The following PRKCB variants were observed in gnomAD, a reference collection of about 807,000 sequenced individuals.
PRKCB encodes the protein protein kinase C beta type.
PRKCB carries 13 observed loss-of-function variants against 81.5 expected under a neutral mutation model. That is an observed-to-expected ratio of 0.16 (90% CI 0.10 to 0.25). PRKCB has a LOEUF of 0.25. PRKCB is among the 10% of genes least tolerant of loss of function. The pLI, the probability that PRKCB is intolerant of heterozygous loss-of-function variation, is 1.00. For synonymous variants in PRKCB, 335 were observed against 321.4 expected (o/e 1.04, Z -0.45); for missense variants, 509 against 875.7 (o/e 0.58, Z 5.29).
chr16:24,053,171 T>A (rs1965862881), intron 5 of PRKCB, among the ~76,000 whole-genome samples: 1 of 152,192 alleles, frequency 6.6e-6, no homozygotes, highest in African/African-American at 2.4e-5. Context: ...CCATTTGTAG[T>A]TCACTCACTC....
At chr16:23,973,362 A>T (rs1326553891) in intron 2 of PRKCB, among the ~76,000 whole-genome samples, 1 of 152,074 alleles carries the variant, frequency 6.6e-6, no homozygotes, top group Non-Finnish European at 1.5e-5. Flanking sequence ...TTGTATTTTT[A>T]GTAGAGATGG....
intron 2 of PRKCB, among the ~76,000 whole-genome samples, chr16:23,960,248 T>A (rs1001325105): frequency 1.3e-4 from 20 of 152,146 alleles, no homozygotes; most frequent in Non-Finnish European, 2.4e-4. Context: ...CAAAAATACT[T>A]TATTATACCC....
chr16:24,048,864 C>A (rs545232608), intron 5 of PRKCB, among the ~76,000 whole-genome samples: 14 of 152,170 alleles, frequency 9.2e-5, no homozygotes, highest in African/African-American at 3.4e-4. Flanking sequence ...ATCCTCCTAA[C>A]AACTTTTGCT....
At chr16:23,904,483 C>T (rs895619546) in intron 2 of PRKCB, among the ~76,000 whole-genome samples, 13 of 151,952 alleles carry the variant, frequency 8.6e-5, no homozygotes, top group Non-Finnish European at 4.4e-5. Context: ...GCCAACATGG[C>T]GAAACCCCAT....
chr16:24,113,053 T>G lies in PRKCB; in HGVS notation c.902T>G (p.Leu301Arg). The change falls in exon 8 of 17, where the codon CTG (leucine) becomes CGG (arginine). Residue 301 changes from leucine (L) to arginine (R), a missense_variant. Leu to Arg is a moderately radical substitution (Grantham distance 102, BLOSUM62 -2). This residue lies in a region of PRKCB where 80 missense variants were observed against 89.4 expected (regional missense o/e 0.90). Coordinates refer to ENST00000643927, the MANE Select transcript of PRKCB (RefSeq NM_002738.7). ...GAAGGAAGTGAGGCCAATGAAGAAC[T>G]GCGGCAGAAATTTGAGGTGAGGTTT... Reference protein sequence around the residue: ...PPEGSEANEELRQKFERAKIS... With the variant: ...PPEGSEANEERRQKFERAKIS... The G allele has an allele frequency of 6.2e-7, 1 of 1,611,584 alleles. No individual in the cohort carries two copies. The highest frequency in any genetic ancestry group is 8.5e-7 in the Non-Finnish European group (1 of 1,178,904).
At chr16:24,091,608 C>T (rs1966378204) in intron 5 of PRKCB, among the ~76,000 whole-genome samples, 1 of 151,106 alleles carries the variant, frequency 6.6e-6, no homozygotes. Flanking sequence ...TCCTTTTCTC[C>T]TGTAAGTTCA....
At chr16:24,101,881 T>C (rs574134364) in intron 7 of PRKCB, among the ~76,000 whole-genome samples, 3 of 152,340 alleles carry the variant, frequency 2.0e-5, no homozygotes, top group East Asian at 3.9e-4. Flanking sequence ...AAAATATTAC[T>C]GCATTTACAC....
intron 2 of PRKCB, among the ~76,000 whole-genome samples, chr16:23,919,154 T>C (rs1397465179): frequency 6.6e-6 from 1 of 152,224 alleles, no homozygotes; most frequent in Non-Finnish European, 1.5e-5. Context: ...ATCAAGTATA[T>C]CTTTGAGCCT....
At chr16:23,998,059 G>C (rs1964982996) in intron 3 of PRKCB, among the ~76,000 whole-genome samples, 1 of 152,206 alleles carries the variant, frequency 6.6e-6, no homozygotes, top group African/African-American at 2.4e-5. Flanking sequence ...CATTGACATA[G>C]GCAGGCACCA....
Position 24,128,515 on chromosome 16 carries a change from G to A in PRKCB, c.1065+4534G>A, listed in dbSNP as rs930556646. Among the ~76,000 whole-genome samples the A allele has an allele frequency of 7.9e-5, 12 of 152,142 alleles. 1 individual carries two copies. The highest frequency in any genetic ancestry group is 1.3e-4 in the Non-Finnish European group (9 of 68,020). ...CATTGAATTTCAAATGTGTAAGCCC[G>A]TTTCAAAATCTTTCAAAAGAAGAAA... On this transcript the variant is annotated intron_variant, in intron 9 of 16. Coordinates refer to ENST00000643927, the MANE Select transcript of PRKCB (RefSeq NM_002738.7).
intron 2 of PRKCB, among the ~76,000 whole-genome samples, chr16:23,947,135 CGT>C (rs1021601907): frequency 6.6e-6 from 1 of 152,180 alleles, no homozygotes; most frequent in Admixed American, 6.5e-5. Context: ...GCATTACAGG[CGT>C]GAGCCACCAT....
chr16:24,040,864 C>T (rs1264594941), intron 5 of PRKCB, among the ~76,000 whole-genome samples: 1 of 152,158 alleles, frequency 6.6e-6, no homozygotes, highest in Non-Finnish European at 1.5e-5. Flanking sequence ...TTGTTGGAGT[C>T]ATGACCACCC....
At chr16:24,127,600 T>A (rs577122322) in intron 9 of PRKCB, among the ~76,000 whole-genome samples, 16 of 151,862 alleles carry the variant, frequency 1.1e-4, no homozygotes, top group South Asian at 8.3e-4. Context: ...GATTGGAAGT[T>A]CTGGAGAGTC....
At chr16:24,175,511 G>A (rs1329370508) in intron 12 of PRKCB, among the ~76,000 whole-genome samples, 1 of 151,874 alleles carries the variant, frequency 6.6e-6, no homozygotes, top group Non-Finnish European at 1.5e-5. Context: ...CTGCCAAGTA[G>A]TGATAAGTAC....
intron 2 of PRKCB, among the ~76,000 whole-genome samples, chr16:23,982,975 G>C (rs2141817730): frequency 6.6e-6 from 1 of 152,262 alleles, no homozygotes; most frequent in African/African-American, 2.4e-5. Flanking sequence ...AGGGCTGCAG[G>C]CTTTCAACCT....
At chr16:24,196,951 G>A (rs1158217832) in intron 16 of PRKCB, among the ~76,000 whole-genome samples, 1 of 152,166 alleles carries the variant, frequency 6.6e-6, no homozygotes, top group African/African-American at 2.4e-5. Context: ...GGAGGAAGGT[G>A]GTGGTTTGGG....
chr16:24,157,620 GA>G (rs1188142470), intron 10 of PRKCB, among the ~76,000 whole-genome samples: 2 of 150,076 alleles, frequency 1.3e-5, no homozygotes, highest in Non-Finnish European at 3.0e-5. Flanking sequence ...GGACTAATGA[GA>G]ATGGACTAAT....
In PRKCB at chr16:23,881,283, C is replaced by T. The variant is rs1372603600; in HGVS notation, c.205+43877C>T. On this transcript the variant is annotated intron_variant, in intron 2 of 16. Transcript: ENST00000643927. Reference sequence around the variant, plus strand: ...TTTTTTTTTTTTTGAGACAGAGTCTCGCTCTGTTGCCCAGGCTGAAGTGCG... The same window carrying T: ...TTTTTTTTTTTTTGAGACAGAGTCTTGCTCTGTTGCCCAGGCTGAAGTGCG... 2.1e-5 allele frequency among the ~76,000 whole-genome samples: 3 copies of T among 142,292 alleles called. No homozygotes were observed. In the Admixed American group the frequency reaches 2.2e-4, roughly 10 times the overall value. 93.3% of individuals were successfully genotyped at this position (142,292 alleles called of 152,430 possible). A position where few individuals can be genotyped will look rare whatever the true frequency, so the allele number is the denominator to read the frequency against.
At chr16:23,927,018 C>CTAA (rs1275181965) in intron 2 of PRKCB, among the ~76,000 whole-genome samples, 2 of 152,174 alleles carry the variant, frequency 1.3e-5, no homozygotes, top group African/African-American at 4.8e-5. Context: ...ACAGTGAACA[C>CTAA]AACAGGCGTA....
Sources: gnomAD v4.1 joint callset for allele counts (sites outside exome capture counted in the v4.1 genomes callset) on GRCh38, gnomAD v4.1.1 for gene constraint, gnomAD v4.1.1 regional missense constraint, MANE v1.5 for transcripts, NCBI Gene and HGNC (gene_info 2026-07-23, HGNC 2026-07-21) for gene names.